TANC2: variants seen among roughly 807,000 people sequenced by gnomAD.
TANC2 encodes protein TANC2.
In TANC2, 26 loss-of-function variants were observed where a neutral mutation model predicts 210.5. The ratio of observed to expected loss-of-function variants is 0.12; its 90% CI spans 0.09 to 0.17. The LOEUF is 0.17. Ranked by LOEUF, TANC2 falls within the 10% of genes least tolerant of loss-of-function variation. The pLI is 1.00. For synonymous variants in TANC2, 931 were observed against 967.1 expected (o/e 0.96, Z 0.69); for missense variants, 2,129 against 2,608.9 (o/e 0.82, Z 4.01).
chr17:63,396,552 G>C (rs2048164184), intron 18 of TANC2: 1 of 153,984 alleles, frequency 6.5e-6, no homozygotes, highest in Admixed American at 6.4e-5. Context: ...AGGGGTGTGG[G>C]GTGGAACAGG....
chr17:63,018,120 CCTGT>C (rs1010510097), intron 2 of TANC2, among the ~76,000 whole-genome samples: 2 of 151,802 alleles, frequency 1.3e-5, no homozygotes, highest in African/African-American at 4.8e-5. Context: ...AGAGCAAGAC[CCTGT>C]CTATGAAAAA....
intron 9 of TANC2, among the ~76,000 whole-genome samples, chr17:63,301,013 T>G (rs1217824437): frequency 6.6e-6 from 1 of 152,220 alleles, no homozygotes; most frequent in Non-Finnish European, 1.5e-5. Context: ...ATCAAAGACC[T>G]TTTCTTCATC....
chr17:63,139,797 A>G (rs1367105549), intron 4 of TANC2, among the ~76,000 whole-genome samples: 3 of 152,172 alleles, frequency 2.0e-5, no homozygotes, highest in Non-Finnish European at 4.4e-5. Flanking sequence ...CCAGCTACTC[A>G]GGAGGCAGAG....
intron 3 of TANC2, among the ~76,000 whole-genome samples, chr17:63,086,123 G>C (rs570518455): frequency 5.0e-4 from 76 of 151,648 alleles, no homozygotes; most frequent in Non-Finnish European, 9.6e-4. Flanking sequence ...TTGCTTTCCT[G>C]TAGGTAAGGT....
At chr17:62,979,034 C>G (rs1238485717) in intron 1 of TANC2, among the ~76,000 whole-genome samples, 1 of 152,126 alleles carries the variant, frequency 6.6e-6, no homozygotes, top group Non-Finnish European at 1.5e-5. Flanking sequence ...GTATTTTGAC[C>G]AGACATAGTA....
chr17:63,098,283 T>C (rs1598395560), intron 3 of TANC2, among the ~76,000 whole-genome samples: 1 of 152,038 alleles, frequency 6.6e-6, no homozygotes, highest in African/African-American at 2.4e-5. Context: ...TTTAATTTTA[T>C]GGGAAATATT....
intron 8 of TANC2, among the ~76,000 whole-genome samples, chr17:63,258,729 G>A (rs374936465): frequency 5.9e-5 from 9 of 151,488 alleles, no homozygotes; most frequent in African/African-American, 1.9e-4. Flanking sequence ...CTCCTTTCAG[G>A]GTAGGTGGCT....
At position 63,392,399 on chromosome 17, in the gene TANC2, C is replaced by T. The variant is rs1227536630; in HGVS notation, c.3051+2855C>T. On this transcript the variant is annotated intron_variant, in intron 17 of 27. Coordinates refer to ENST00000689528, the Ensembl canonical transcript of TANC2. ...TTTCAAAGTCTGCTAATGTAGCCTC[C>T]GTTTTTCTCAGAACTAGGGAGTCAT... is the stretch of plus-strand genomic sequence containing the variant. Among the ~76,000 whole-genome samples the T allele has an allele frequency of 4.6e-5, 7 of 152,234 alleles. No individual in the cohort carries two copies. In the East Asian group the frequency reaches 1.2e-3, roughly 25 times the overall value.
intron 14 of TANC2, among the ~76,000 whole-genome samples, chr17:63,358,811 G>A (rs753832940): frequency 6.6e-5 from 10 of 152,070 alleles, no homozygotes; most frequent in Admixed American, 1.3e-4. Context: ...GTAGACAGTC[G>A]GAGCTACCAG....
intron 2 of TANC2, among the ~76,000 whole-genome samples, chr17:63,022,821 G>A (rs901658865): frequency 5.9e-5 from 9 of 152,162 alleles, no homozygotes; most frequent in African/African-American, 2.2e-4. Flanking sequence ...TGTGGCTCAA[G>A]TGGCCCCAGG....
At chr17:63,271,263 T>G (rs1470243783) in intron 9 of TANC2, among the ~76,000 whole-genome samples, 5 of 152,114 alleles carry the variant, frequency 3.3e-5, no homozygotes, top group Non-Finnish European at 5.9e-5. Context: ...TTGAACTGAT[T>G]GTGGAAAACA....
chr17:63,002,832 T>C (rs2143738115), intron 1 of TANC2, among the ~76,000 whole-genome samples: 1 of 152,370 alleles, frequency 6.6e-6, no homozygotes, highest in Non-Finnish European at 1.5e-5. Flanking sequence ...TTCCTTTTTC[T>C]TGCTGAGTAA....
chr17:63,420,267 A>G lies in TANC2; in HGVS notation c.4537A>G (p.Thr1513Ala). The G allele has an allele frequency of 6.2e-7, 1 of 1,613,798 alleles. No homozygotes were observed. The highest frequency in any genetic ancestry group is 8.5e-7 in the Non-Finnish European group (1 of 1,179,824). The stretch of plus-strand genomic sequence containing the variant: ...TGAAAATGTTTCCATTGGCCTCCAG[A>G]CAGAGGCCCGGCCCAGCCAGGGGCT... The change falls in exon 28 of 28, where the codon ACA becomes GCA. Residue 1513 changes from threonine to alanine, a missense_variant. Thr to Ala is a moderately conservative substitution (Grantham distance 58). This residue lies in a region of TANC2 where 584 missense variants were observed against 627.3 expected (regional missense o/e 0.93). Coordinates refer to ENST00000689528, the Ensembl canonical transcript of TANC2. The surrounding 1 kb of genome is among the most constrained non-coding windows in gnomAD (Gnocchi z 4.2).
chr17:63,349,466 G>C (rs1567940308), intron 12 of TANC2, among the ~76,000 whole-genome samples: 1 of 152,172 alleles, frequency 6.6e-6, no homozygotes, highest in Non-Finnish European at 1.5e-5. Context: ...TATTAAAGGA[G>C]ATATAATTGA....
At chr17:63,188,586 CAAAAA>C (rs1046526941) in intron 5 of TANC2, among the ~76,000 whole-genome samples, 17 of 58,710 alleles carry the variant, frequency 2.9e-4, no homozygotes, top group African/African-American at 9.6e-4. Flanking sequence ...AGACTCTGTC[CAAAAA>C]AAAAAAAAAA....
chr17:63,175,256 C>A (rs2145601951), intron 5 of TANC2, among the ~76,000 whole-genome samples: 1 of 152,180 alleles, frequency 6.6e-6, no homozygotes, highest in East Asian at 1.9e-4. Flanking sequence ...GACATTGACC[C>A]TTACCTCATA....
intron 3 of TANC2, among the ~76,000 whole-genome samples, chr17:63,079,871 T>C (rs1008317144): frequency 4.6e-5 from 7 of 152,216 alleles, no homozygotes; most frequent in African/African-American, 1.7e-4. Context: ...TCATACTCAC[T>C]GTTCCAGTTT....
At chr17:63,055,736 A>C (rs2035749416) in intron 2 of TANC2, among the ~76,000 whole-genome samples, 2 of 150,136 alleles carry the variant, frequency 1.3e-5, no homozygotes, top group Admixed American at 1.3e-4. Flanking sequence ...CCTTATCTGT[A>C]ATGAAGGAAT....
At chr17:63,328,045 G>A (rs189953082) in intron 11 of TANC2, among the ~76,000 whole-genome samples, 119 of 152,250 alleles carry the variant, frequency 7.8e-4, no homozygotes, top group Non-Finnish European at 1.8e-4. Context: ...ACAGCAACAT[G>A]GATGCAGCCG....
Sources: gnomAD v4.1 joint callset for allele counts (sites outside exome capture counted in the v4.1 genomes callset) on GRCh38, gnomAD v4.1.1 for gene constraint, gnomAD v4.1.1 regional missense constraint, Gnocchi (gnomAD v3.1) non-coding constraint, MANE v1.5 for transcripts, NCBI Gene and HGNC (gene_info 2026-07-23, HGNC 2026-07-21) for gene names.